Variants in CHRM3 observed in about 807,000 individuals in gnomAD.
CHRM3 encodes the protein muscarinic acetylcholine receptor M3.
In CHRM3, 11 loss-of-function variants were observed where a neutral mutation model predicts 41.8. The ratio of observed to expected loss-of-function variants is 0.26; its 90% CI spans 0.17 to 0.44. The LOEUF is 0.44. Ranked by LOEUF, CHRM3 falls within the 20% of genes least tolerant of loss-of-function variation. The probability of loss-of-function intolerance (pLI) is 1.00; values close to 1 mark genes in which losing one functional copy is unlikely to be tolerated. For synonymous variants in CHRM3, 297 were observed against 301.4 expected (o/e 0.99, Z 0.15); for missense variants, 571 against 745.4 (o/e 0.77, Z 2.72).
intron 2 of CHRM3, among the ~76,000 whole-genome samples, chr1:239,507,791 A>G (rs754401602): frequency 6.6e-6 from 1 of 152,206 alleles, no homozygotes; most frequent in Non-Finnish European, 1.5e-5. Flanking sequence ...GTTGAGTTAA[A>G]AAGTTAAAAT....
intron 3 of CHRM3, among the ~76,000 whole-genome samples, chr1:239,601,188 T>C (rs1032360105): frequency 1.3e-5 from 2 of 152,166 alleles, no homozygotes; most frequent in East Asian, 3.9e-4. Context: ...CCAGTTCCAT[T>C]CTCAAATCTT....
At chr1:239,709,237 C>A (rs990087644) in intron 5 of CHRM3, among the ~76,000 whole-genome samples, 2 of 152,130 alleles carry the variant, frequency 1.3e-5, no homozygotes, top group Non-Finnish European at 2.9e-5. Flanking sequence ...GCACTTGAAG[C>A]TTGTTTGCCA....
At chr1:239,523,099 T>C (rs1669765469) in intron 2 of CHRM3, among the ~76,000 whole-genome samples, 1 of 151,868 alleles carries the variant, frequency 6.6e-6, no homozygotes, top group Non-Finnish European at 1.5e-5. Flanking sequence ...TGAGAAACAG[T>C]AGTGAAAAAA....
At position 239,908,994 on chromosome 1, in the gene CHRM3, A is replaced by C; in HGVS notation, c.1543A>C (p.Thr515Pro). ...TPYNIMVLVN[T>P]FCDSCIPKTF... is the part of the protein sequence containing the mutation. Reference sequence around the variant, plus strand: ...ATACAACATCATGGTTCTGGTGAACACCTTTTGTGACAGCTGCATACCCAA... The same window carrying C: ...ATACAACATCATGGTTCTGGTGAACCCCTTTTGTGACAGCTGCATACCCAA... Residue 515 changes from threonine to proline, a missense_variant, in exon 7 of 7, where the codon ACC (threonine) becomes CCC (proline). This residue lies in a region of CHRM3 where 43 missense variants were observed against 93.7 expected (regional missense o/e 0.46). Transcript: ENST00000676153. This position sits in a 1 kb window ranked among gnomAD's most constrained non-coding sequence, Gnocchi z 7.2. The C allele has an allele frequency of 6.2e-7, 1 of 1,614,122 alleles. No homozygotes were observed. Among genetic ancestry groups the C allele is most frequent in the Non-Finnish European group, 8.5e-7 (1 of 1,180,046 alleles).
chr1:239,638,947 A>G (rs926648360), intron 4 of CHRM3, among the ~76,000 whole-genome samples: 8 of 152,066 alleles, frequency 5.3e-5, no homozygotes, highest in African/African-American at 1.2e-4. Context: ...CATATAAGGT[A>G]TAAGGAAGGG....
At chr1:239,502,456 A>C (rs1304813145) in intron 2 of CHRM3, among the ~76,000 whole-genome samples, 1 of 152,182 alleles carries the variant, frequency 6.6e-6, no homozygotes, top group East Asian at 1.9e-4. Context: ...TTAGCAACAA[A>C]AAAAAAGTCC....
chr1:239,668,033 C>CT (rs200752537), intron 4 of CHRM3, among the ~76,000 whole-genome samples: 32 of 133,524 alleles, frequency 2.4e-4, no homozygotes, highest in East Asian at 9.0e-4. Context: ...AAAGTGTTCT[C>CT]TTTTTTTTAT....
intron 1 of CHRM3, among the ~76,000 whole-genome samples, chr1:239,410,800 A>G (rs1369594626): frequency 6.6e-6 from 1 of 152,106 alleles, no homozygotes; most frequent in Non-Finnish European, 1.5e-5. Flanking sequence ...CTTCTACCAC[A>G]CTGCCCCTTC....
At chr1:239,884,418 A>G (rs1677896980) in intron 6 of CHRM3, among the ~76,000 whole-genome samples, 1 of 152,178 alleles carries the variant, frequency 6.6e-6, no homozygotes, top group African/African-American at 2.4e-5. Flanking sequence ...CTCTGGAGGG[A>G]GTGTGGCCCT....
intron 3 of CHRM3, among the ~76,000 whole-genome samples, chr1:239,570,564 C>A (rs965108977): frequency 5.3e-5 from 8 of 152,102 alleles, no homozygotes; most frequent in African/African-American, 1.9e-4. Flanking sequence ...TTATGAATGG[C>A]CAGTTTGTTG....
At chr1:239,680,782 A>G (rs1658483548) in intron 5 of CHRM3, among the ~76,000 whole-genome samples, 1 of 151,318 alleles carries the variant, frequency 6.6e-6, no homozygotes, top group Admixed American at 6.6e-5. Flanking sequence ...CATGTAGATG[A>G]CCTTCCTTCC....
chr1:239,877,552 T>C (rs1677208716), intron 6 of CHRM3, among the ~76,000 whole-genome samples: 1 of 152,192 alleles, frequency 6.6e-6, no homozygotes, highest in Admixed American at 6.5e-5. Flanking sequence ...TACTGCTATA[T>C]ATTATTTATA....
At chr1:239,553,609 C>T (rs1449293585) in intron 3 of CHRM3, among the ~76,000 whole-genome samples, 1 of 152,058 alleles carries the variant, frequency 6.6e-6, no homozygotes, top group African/African-American at 2.4e-5. Flanking sequence ...TGATTGATTC[C>T]CTACAGTGGG....
At position 239,505,259 on chromosome 1, in the gene CHRM3, G is replaced by GGATGATGAT. The variant is rs3028735; in HGVS notation, c.-422+12492_-422+12500dup. Among the ~76,000 whole-genome samples the GGATGATGAT allele has an allele frequency of 3.7e-4, 53 of 144,892 alleles. 1 individual carries two copies. The highest frequency in any genetic ancestry group is 3.5e-3 in the Middle Eastern group (1 of 288). The stretch of plus-strand genomic sequence containing the variant: ...CATATTGTTCAGTAACTGTTTCCTG[G>GGATGATGAT]GATGATGATGATGATGATGATGATG... On this transcript the variant is annotated intron_variant, in intron 2 of 6. Coordinates refer to ENST00000676153, the MANE Select transcript of CHRM3 (RefSeq NM_001375978.1).
intron 4 of CHRM3, among the ~76,000 whole-genome samples, chr1:239,652,752 C>T (rs1270372109): frequency 6.6e-6 from 1 of 152,096 alleles, no homozygotes; most frequent in African/African-American, 2.4e-5. Flanking sequence ...TGGATAAGTC[C>T]CTTAACCTCT....
chr1:239,521,685 T>C (rs976978285), intron 2 of CHRM3, among the ~76,000 whole-genome samples: 2 of 152,052 alleles, frequency 1.3e-5, no homozygotes, highest in African/African-American at 4.8e-5. Flanking sequence ...GTTGTGCACA[T>C]AGGAGAGGGA....
In CHRM3 at chr1:239,560,884, C is replaced by G. The variant is rs564688887; in HGVS notation, c.-313+15135C>G. On this transcript the variant is annotated intron_variant, in intron 3 of 6. Coordinates refer to ENST00000676153, the MANE Select transcript of CHRM3 (RefSeq NM_001375978.1). ...AACTCTAGGTTTTCCCACACCTCCC[C>G]CAAACTTGTTTCTCCCCCATCTGTC... 8.5e-5 allele frequency among the ~76,000 whole-genome samples: 13 copies of G among 152,164 alleles called. 1 individual carries two copies. In the South Asian group the frequency reaches 2.3e-3, roughly 27 times the overall value.
intron 6 of CHRM3, among the ~76,000 whole-genome samples, chr1:239,875,840 A>G (rs1677067274): frequency 6.6e-6 from 1 of 152,162 alleles, no homozygotes; most frequent in Non-Finnish European, 1.5e-5. Context: ...CTTCCAAGGC[A>G]ATATCAAATG....
At chr1:239,737,407 G>C (rs1572138451) in intron 5 of CHRM3, among the ~76,000 whole-genome samples, 1 of 152,114 alleles carries the variant, frequency 6.6e-6, no homozygotes, top group African/African-American at 2.4e-5. Context: ...ATAATGTTGG[G>C]ATGGTTGCCA....
Sources: allele counts gnomAD v4.1 joint callset (sites outside exome capture counted in the v4.1 genomes callset), GRCh38; gene constraint gnomAD v4.1.1; regional missense constraint gnomAD v4.1.1; non-coding constraint Gnocchi (gnomAD v3.1); transcripts MANE v1.5; gene names NCBI Gene and HGNC (gene_info 2026-07-23, HGNC 2026-07-21).